The following NEGR1 variants were observed in gnomAD, a reference collection of about 807,000 sequenced individuals.
NEGR1 encodes the protein neuronal growth regulator 1.
Under a neutral mutation model 40.9 loss-of-function variants are expected in NEGR1, and 10 were observed. The observed-to-expected ratio is 0.24, with a 90% CI of 0.15 to 0.42. The LOEUF (loss-of-function observed/expected upper bound fraction) is 0.42. NEGR1 is among the 10% of genes least tolerant of loss of function. The pLI is 1.00. For synonymous variants in NEGR1, 185 were observed against 166.8 expected (o/e 1.11, Z -0.84); for missense variants, 352 against 438.9 (o/e 0.80, Z 1.77).
intron 3 of NEGR1, chr1:71,703,441 C>A (rs1346988438): frequency 6.7e-6 from 1 of 149,360 alleles, no homozygotes; most frequent in Non-Finnish European, 1.5e-5. Context: ...AAACAGAAAT[C>A]TCTGAACTAT....
chr1:71,818,298 CA>C (rs1248508273), intron 2 of NEGR1, among the ~76,000 whole-genome samples: 3 of 151,902 alleles, frequency 2.0e-5, no homozygotes, highest in African/African-American at 7.3e-5. Context: ...TGTTCATCAA[CA>C]GTAGACTGGA....
intron 3 of NEGR1, among the ~76,000 whole-genome samples, chr1:71,727,831 A>T (rs1441451741): frequency 6.6e-6 from 1 of 152,158 alleles, no homozygotes; most frequent in African/African-American, 2.4e-5. Flanking sequence ...TAATCTGCTA[A>T]AGTGGAATAT....
chr1:71,704,572 A>G (rs1653822284), intron 3 of NEGR1, among the ~76,000 whole-genome samples: 1 of 151,740 alleles, frequency 6.6e-6, no homozygotes, highest in Non-Finnish European at 1.5e-5. Context: ...TGAAAAATAG[A>G]AATTTATATA....
At chr1:71,691,366 TAAGAA>T (rs1653272853) in intron 4 of NEGR1, among the ~76,000 whole-genome samples, 1 of 151,910 alleles carries the variant, frequency 6.6e-6, no homozygotes, top group Non-Finnish European at 1.5e-5. Context: ...TTTGTTGTAT[TAAGAA>T]AAGAAGTATT....
chr1:71,793,428 CAAAT>C (rs1346826061), intron 2 of NEGR1, among the ~76,000 whole-genome samples: 1 of 148,552 alleles, frequency 6.7e-6, no homozygotes, highest in Non-Finnish European at 1.5e-5. Flanking sequence ...CTATCAGCAA[CAAAT>C]AAATAACAGG....
chr1:72,200,432 G>A (rs1653162736), intron 1 of NEGR1, among the ~76,000 whole-genome samples: 5 of 151,894 alleles, frequency 3.3e-5, no homozygotes. Flanking sequence ...ACTAAAGATT[G>A]CATGTTCTCA....
chr1:71,849,963 T>C (rs2101811525), intron 2 of NEGR1, among the ~76,000 whole-genome samples: 1 of 152,280 alleles, frequency 6.6e-6, no homozygotes, highest in Non-Finnish European at 1.5e-5. Context: ...TGCCACCAAT[T>C]TATTGCAATA....
chr1:71,783,837 CCCGTCCATCCATCCATCCAT>C (rs1323793615), intron 2 of NEGR1, among the ~76,000 whole-genome samples: 5 of 136,826 alleles, frequency 3.7e-5, no homozygotes, highest in African/African-American at 1.2e-4. Context: ...CATCCATCCA[CCCGTCCATCCATCCATCCAT>C]CCATCCATCC....
intron 4 of NEGR1, among the ~76,000 whole-genome samples, chr1:71,661,493 C>G (rs1205909978): frequency 6.6e-6 from 1 of 152,176 alleles, no homozygotes; most frequent in Non-Finnish European, 1.5e-5. Flanking sequence ...AGATGTTTAT[C>G]TAAAGGATGG....
chr1:72,034,551 C>T (rs1045724742), intron 1 of NEGR1, among the ~76,000 whole-genome samples: 2 of 151,962 alleles, frequency 1.3e-5, no homozygotes, highest in African/African-American at 4.8e-5. Context: ...AAACAGAATG[C>T]CAAATAGATA....
At chr1:71,968,336 T>C (rs1197148887) in intron 1 of NEGR1, among the ~76,000 whole-genome samples, 1 of 152,210 alleles carries the variant, frequency 6.6e-6, no homozygotes, top group African/African-American at 2.4e-5. Flanking sequence ...AAACAAAGTA[T>C]TACAAAACAA....
At chr1:71,631,673 G>A (rs1570128744) in intron 4 of NEGR1, among the ~76,000 whole-genome samples, 1 of 151,706 alleles carries the variant, frequency 6.6e-6, no homozygotes, top group Non-Finnish European at 1.5e-5. Context: ...CATTCACTTA[G>A]TGAAAAACAA....
intron 4 of NEGR1, among the ~76,000 whole-genome samples, chr1:71,660,486 T>TAA (rs1652019288): frequency 6.6e-6 from 1 of 151,340 alleles, no homozygotes; most frequent in South Asian, 2.1e-4. Context: ...AATAAAAGTT[T>TAA]AAAAAAGAAA....
chr1:71,462,425 T>A (rs1646720068), intron 6 of NEGR1, among the ~76,000 whole-genome samples: 1 of 152,144 alleles, frequency 6.6e-6, no homozygotes, highest in African/African-American at 2.4e-5. Context: ...TAATAGGTGT[T>A]CTCAAGGTAG....
At chr1:72,055,798 T>TTA (rs3080199) in intron 1 of NEGR1, among the ~76,000 whole-genome samples, 25 of 146,044 alleles carry the variant, frequency 1.7e-4, no homozygotes, top group South Asian at 4.2e-4. Context: ...ATTATATATA[T>TTA]TATATATATA....
intron 6 of NEGR1, among the ~76,000 whole-genome samples, chr1:71,463,110 C>T (rs1157708583): frequency 1.3e-5 from 2 of 152,114 alleles, no homozygotes; most frequent in African/African-American, 4.8e-5. Flanking sequence ...AGACAAATGT[C>T]TGTTTTCATG....
In NEGR1 at chr1:71,450,117, A is replaced by C. The variant is rs372516001; in HGVS notation, c.941-42547T>G. 5.9e-5 allele frequency among the ~76,000 whole-genome samples: 9 copies of C among 151,630 alleles called. No individual in the cohort carries two copies. In the East Asian group the frequency reaches 1.6e-3, roughly 26 times the overall value. On this transcript the variant is annotated intron_variant, in intron 6 of 6. Transcript: ENST00000357731. ...GCGATTATCCTGCCTCAGCCACCTG[A>C]GTAGCTGGGATTACATGGGCGTGCC...
chr1:71,719,969 C>G (rs1654448043), intron 3 of NEGR1, among the ~76,000 whole-genome samples: 1 of 152,018 alleles, frequency 6.6e-6, no homozygotes, highest in Non-Finnish European at 1.5e-5. Context: ...GGATATATCT[C>G]ATATAATGCC....
chr1:71,968,468 T>C (rs76871620), intron 1 of NEGR1, among the ~76,000 whole-genome samples: 18,099 of 152,192 alleles, frequency 0.12, 1,119 homozygotes, highest in South Asian at 0.18. Context: ...TTCTAGAAAC[T>C]GGGGATGCAT....
Sources: gnomAD v4.1 joint callset for allele counts (sites outside exome capture counted in the v4.1 genomes callset) on GRCh38, gnomAD v4.1.1 for gene constraint, MANE v1.5 for transcripts, NCBI Gene and HGNC (gene_info 2026-07-23, HGNC 2026-07-21) for gene names.